Variants in SLC24A3 observed in about 807,000 individuals in gnomAD.
The protein encoded by SLC24A3 is solute carrier family 24 member 3.
Under a neutral mutation model 75.8 loss-of-function variants are expected in SLC24A3, and 28 were observed. That is an observed-to-expected ratio of 0.37 (90% CI 0.27 to 0.51). SLC24A3 has a LOEUF of 0.51. SLC24A3 is among the 20% of genes least tolerant of loss of function. The pLI is 0.94. For missense variants in SLC24A3, 663 were observed against 847.8 expected (o/e 0.78, Z 2.71); for synonymous variants, 372 against 334.1 (o/e 1.11, Z -1.24).
At chr20:19,236,255 T>G (rs1355169831) in intron 1 of SLC24A3, among the ~76,000 whole-genome samples, 1 of 152,090 alleles carries the variant, frequency 6.6e-6, no homozygotes, top group Admixed American at 6.5e-5. Flanking sequence ...ATGCCACCTG[T>G]GAGGTGCCCC....
chr20:19,363,755 A>AT (rs1241909521), intron 2 of SLC24A3, among the ~76,000 whole-genome samples: 1 of 152,202 alleles, frequency 6.6e-6, no homozygotes, highest in African/African-American at 2.4e-5. Context: ...TTTGTATTGG[A>AT]TGTTTTAAAA....
At chr20:19,700,838 T>C (rs955895257) in intron 15 of SLC24A3, among the ~76,000 whole-genome samples, 2 of 152,224 alleles carry the variant, frequency 1.3e-5, no homozygotes, top group African/African-American at 4.8e-5. Context: ...CTTATGTTGA[T>C]TCAAACCTTT....
At chr20:19,624,918 TAATTTTTCGGGTCAGCAATTTGAGCTC>T (rs1192879448) in intron 6 of SLC24A3, among the ~76,000 whole-genome samples, 9 of 152,220 alleles carry the variant, frequency 5.9e-5, no homozygotes, top group African/African-American at 2.2e-4. Context: ...ATATAGCTCA[TAATTTTTCGGGTCAGCAATTTGAGCTC>T]AACCCAATGG....
intron 2 of SLC24A3, among the ~76,000 whole-genome samples, chr20:19,507,464 G>T (rs1336172928): frequency 1.3e-5 from 2 of 152,208 alleles, no homozygotes; most frequent in Admixed American, 6.5e-5. Flanking sequence ...CGTACAAAAT[G>T]CATGTATTGG....
intron 2 of SLC24A3, among the ~76,000 whole-genome samples, chr20:19,369,679 G>A (rs1000291648): frequency 2.0e-5 from 3 of 152,062 alleles, no homozygotes; most frequent in Admixed American, 6.5e-5. Context: ...GTATCCTTGT[G>A]AATTTCCATT....
intron 2 of SLC24A3, among the ~76,000 whole-genome samples, chr20:19,499,920 G>T (rs892578262): frequency 6.6e-6 from 1 of 152,184 alleles, no homozygotes; most frequent in African/African-American, 2.4e-5. Context: ...GTGCATTTGT[G>T]TGTGTGTGTG....
At position 19,585,048 on chromosome 20, in the gene SLC24A3, G is replaced by A. The variant is rs762736740; in HGVS notation, c.501G>A (p.Ser167=). 27 of 1,612,460 alleles carry A rather than the reference G, an allele frequency of 1.7e-5. No homozygotes were observed. Among genetic ancestry groups the A allele is most frequent in the South Asian group, 2.2e-5 (2 of 91,030 alleles). ...AGSSAPELFT[S]VIGVFITKGD... ...GTTCGGCCCCAGAGCTGTTCACATC[G>A]GTCATAGGTAGGTGACAGACTGAGG... Residue 167 remains serine, a synonymous_variant, in exon 5 of 17, where the codon TCG becomes TCA. Transcript: ENST00000328041.
rs959739735 is a variant in SLC24A3, at chr20:19,281,211, G to T, written c.271+124G>T. The T allele has an allele frequency of 3.6e-6, 5 of 1,399,952 alleles. No homozygotes were observed. The African/African-American group carries it at 5.8e-5, about 16-fold the overall frequency. The allele number at this position is 1,399,952 out of a possible 1,614,324, so 86.7% of individuals were successfully genotyped here. ...GAAAGCCTCCAAAGATGTTTAGGAT[G>T]GGAGTCTAAGAAACTTTCAGGTGAC... On this transcript the variant is annotated intron_variant, in intron 2 of 16. Coordinates refer to ENST00000328041, the MANE Select transcript of SLC24A3 (RefSeq NM_020689.4).
chr20:19,679,814 C>T lies in SLC24A3; in HGVS notation c.768-2044C>T, dbSNP rs557536148. 1.9e-4 allele frequency among the ~76,000 whole-genome samples: 29 copies of T among 152,166 alleles called. No individual in the cohort carries two copies. The South Asian group carries it at 6.0e-3, about 32-fold the overall frequency. Reference sequence around the variant, plus strand: ...TAAAAATGAGAATTCAAATAAATTCCACTCATTAGAATTGGTGGCCCATGA... The same window carrying T: ...TAAAAATGAGAATTCAAATAAATTCTACTCATTAGAATTGGTGGCCCATGA... On this transcript the variant is annotated intron_variant, in intron 9 of 16. Transcript: ENST00000328041.
At chr20:19,533,024 A>G (rs1167347196) in intron 3 of SLC24A3, among the ~76,000 whole-genome samples, 2 of 152,244 alleles carry the variant, frequency 1.3e-5, no homozygotes, top group African/African-American at 4.8e-5. Context: ...TGGGCACAGC[A>G]TGAGCTACCT....
intron 1 of SLC24A3, among the ~76,000 whole-genome samples, chr20:19,219,345 C>T (rs891783445): frequency 4.6e-5 from 7 of 152,108 alleles, no homozygotes; most frequent in Admixed American, 2.0e-4. Context: ...AGTTCCTGCC[C>T]GGACCCCAGT....
At chr20:19,409,343 A>G (rs1364032991) in intron 2 of SLC24A3, among the ~76,000 whole-genome samples, 1 of 152,170 alleles carries the variant, frequency 6.6e-6, no homozygotes, top group East Asian at 1.9e-4. Flanking sequence ...GCAAAACATG[A>G]GTGCAGATGT....
chr20:19,672,225 G>A (rs142815816), intron 8 of SLC24A3, among the ~76,000 whole-genome samples: 5 of 152,308 alleles, frequency 3.3e-5, no homozygotes, highest in African/African-American at 1.2e-4. Context: ...TGCCATGACA[G>A]AAGCTGAGAA....
At chr20:19,427,630 C>G (rs1321321572) in intron 2 of SLC24A3, among the ~76,000 whole-genome samples, 1 of 152,228 alleles carries the variant, frequency 6.6e-6, no homozygotes, top group Non-Finnish European at 1.5e-5. Context: ...ACCCGGAGTC[C>G]ATTCCCACTG....
At chr20:19,478,596 G>A (rs1483068827) in intron 2 of SLC24A3, among the ~76,000 whole-genome samples, 1 of 152,164 alleles carries the variant, frequency 6.6e-6, no homozygotes, top group Non-Finnish European at 1.5e-5. Context: ...TGTGTCCCCA[G>A]CAACCAGCAG....
intron 1 of SLC24A3, among the ~76,000 whole-genome samples, chr20:19,271,341 G>A (rs2122210835): frequency 6.6e-6 from 1 of 150,920 alleles, no homozygotes; most frequent in African/African-American, 2.4e-5. Flanking sequence ...AAAAAAAAAA[G>A]ATGTTGGTGT....
chr20:19,566,361 C>T (rs1442649079), intron 3 of SLC24A3, among the ~76,000 whole-genome samples: 1 of 152,234 alleles, frequency 6.6e-6, no homozygotes, highest in Non-Finnish European at 1.5e-5. Flanking sequence ...GTCCAGTGAG[C>T]AGTGGGCCCT....
At chr20:19,239,426 G>A (rs1434431587) in intron 1 of SLC24A3, among the ~76,000 whole-genome samples, 1 of 152,228 alleles carries the variant, frequency 6.6e-6, no homozygotes, top group East Asian at 1.9e-4. Flanking sequence ...CTAGGAGATG[G>A]GGAACAGGGC....
chr20:19,471,567 C>T (rs1476528186), intron 2 of SLC24A3, among the ~76,000 whole-genome samples: 1 of 152,068 alleles, frequency 6.6e-6, no homozygotes, highest in Non-Finnish European at 1.5e-5. Context: ...GGTATAAATA[C>T]CCCCATAATG....
Sources: gnomAD v4.1 joint callset for allele counts (sites outside exome capture counted in the v4.1 genomes callset) on GRCh38, gnomAD v4.1.1 for gene constraint, MANE v1.5 for transcripts, NCBI Gene and HGNC (gene_info 2026-07-23, HGNC 2026-07-21) for gene names.